Variants in MTUS2 observed in about 807,000 individuals in gnomAD.
The protein encoded by MTUS2 is microtubule associated scaffold protein 2.
Under a neutral mutation model 114.1 loss-of-function variants are expected in MTUS2, and 40 were observed. The ratio of observed to expected loss-of-function variants is 0.35; its 90% CI spans 0.27 to 0.46. The LOEUF (loss-of-function observed/expected upper bound fraction) is 0.46, where lower values mean the gene tolerates loss of function less well. MTUS2 is among the 20% of genes least tolerant of loss of function. The pLI is 1.00. For missense variants in MTUS2, 1,679 were observed against 1,705.4 expected (o/e 0.98, Z 0.27); for synonymous variants, 688 against 672.0 (o/e 1.02, Z -0.37).
intron 2 of MTUS2, among the ~76,000 whole-genome samples, chr13:28,890,144 A>G (rs755642686): frequency 6.6e-6 from 1 of 152,172 alleles, no homozygotes; most frequent in Non-Finnish European, 1.5e-5. Context: ...GAACTGCATG[A>G]GTTATTAGAG....
At chr13:29,303,590 A>G (rs1490141700) in intron 6 of MTUS2, among the ~76,000 whole-genome samples, 2 of 152,212 alleles carry the variant, frequency 1.3e-5, no homozygotes, top group African/African-American at 4.8e-5. Context: ...AATAGAGAAA[A>G]AAGAATGAAA....
intron 4 of MTUS2, among the ~76,000 whole-genome samples, chr13:29,081,196 C>T (rs184253440): frequency 6.6e-6 from 1 of 152,166 alleles, no homozygotes; most frequent in East Asian, 1.9e-4. Context: ...TAAACAGGAA[C>T]TTGCCTGGTT....
intron 5 of MTUS2, among the ~76,000 whole-genome samples, chr13:29,105,530 C>T (rs1330634572): frequency 2.0e-5 from 3 of 152,134 alleles, no homozygotes; most frequent in Admixed American, 6.5e-5. Flanking sequence ...CCAGTTTCTC[C>T]TCTTCTTCCT....
At chr13:28,916,719 A>G (rs1044633034) in intron 2 of MTUS2, among the ~76,000 whole-genome samples, 2 of 151,828 alleles carry the variant, frequency 1.3e-5, no homozygotes, top group African/African-American at 4.8e-5. Flanking sequence ...ACAAACAAAA[A>G]TAATTTGACT....
At chr13:29,106,826 C>T (rs528987380) in intron 5 of MTUS2, among the ~76,000 whole-genome samples, 1 of 152,158 alleles carries the variant, frequency 6.6e-6, no homozygotes, top group East Asian at 1.9e-4. Context: ...CCTTTGACCC[C>T]GTTTCAATTG....
At chr13:29,219,782 C>A (rs912948271) in intron 5 of MTUS2, among the ~76,000 whole-genome samples, 2 of 152,182 alleles carry the variant, frequency 1.3e-5, no homozygotes, top group African/African-American at 4.8e-5. Context: ...TGTGGAGGAA[C>A]CCACCTCTGC....
chr13:29,389,416 T>TATATATGTATATGTATAC (rs1460797625), intron 8 of MTUS2, among the ~76,000 whole-genome samples: 1 of 74,972 alleles, frequency 1.3e-5, no homozygotes, highest in African/African-American at 5.9e-5. Flanking sequence ...TACACGTGTG[T>TATATATGTATATGTATAC]GTGTATGTAT....
chr13:29,194,887 C>G (rs972582006), intron 5 of MTUS2, among the ~76,000 whole-genome samples: 2 of 148,638 alleles, frequency 1.3e-5, no homozygotes, highest in Non-Finnish European at 3.0e-5. Flanking sequence ...AAATGTGGCA[C>G]ATATACACCA....
At chr13:29,379,157 A>G (rs1431665817) in intron 8 of MTUS2, among the ~76,000 whole-genome samples, 1 of 152,146 alleles carries the variant, frequency 6.6e-6, no homozygotes, top group East Asian at 1.9e-4. Context: ...TTCCTTTATA[A>G]ATTACCCAGT....
At chr13:29,027,577 A>G (rs1886616418) in intron 3 of MTUS2, among the ~76,000 whole-genome samples, 1 of 152,034 alleles carries the variant, frequency 6.6e-6, no homozygotes. Flanking sequence ...TTTGAGATGA[A>G]GTCTCGCTCT....
chr13:29,327,355 C>A (rs1400565150), intron 7 of MTUS2, among the ~76,000 whole-genome samples: 2 of 152,168 alleles, frequency 1.3e-5, no homozygotes, highest in African/African-American at 4.8e-5. Context: ...GTCCACCAAC[C>A]TTCCAAGTTT....
At chr13:29,006,160 G>A (rs1481329292) in intron 2 of MTUS2, among the ~76,000 whole-genome samples, 1 of 152,202 alleles carries the variant, frequency 6.6e-6, no homozygotes, top group Non-Finnish European at 1.5e-5. Context: ...GTAAGCTGGG[G>A]TTGAGAGTGG....
chr13:28,986,647 T>A (rs529287059), intron 2 of MTUS2, among the ~76,000 whole-genome samples: 1 of 152,222 alleles, frequency 6.6e-6, no homozygotes, highest in Non-Finnish European at 1.5e-5. Flanking sequence ...TCCTGTAGAG[T>A]CCAAGTCTTA....
intron 3 of MTUS2, 24 bp from the exon 4 acceptor site, chr13:29,033,861 T>G (rs1415087083): frequency 6.2e-7 from 1 of 1,613,102 alleles, no homozygotes; most frequent in East Asian, 2.2e-5. Flanking sequence ...GGTCTCTGAT[T>G]GAGTTTTTGT....
At chr13:28,862,081 C>G (rs1305746745) in intron 2 of MTUS2, among the ~76,000 whole-genome samples, 1 of 152,142 alleles carries the variant, frequency 6.6e-6, no homozygotes, top group African/African-American at 2.4e-5. Context: ...GTGTATACCC[C>G]TTGTCTATAG....
intron 5 of MTUS2, among the ~76,000 whole-genome samples, chr13:29,113,727 A>G (rs1471666316): frequency 6.6e-6 from 1 of 152,128 alleles, no homozygotes; most frequent in African/African-American, 2.4e-5. Flanking sequence ...AAGATTCACA[A>G]TGGCAGTTAT....
intron 1 of MTUS2, among the ~76,000 whole-genome samples, chr13:28,839,483 T>C (rs190968749): frequency 6.6e-6 from 1 of 152,334 alleles, no homozygotes; most frequent in Admixed American, 6.5e-5. Context: ...TTTCAGATCA[T>C]TAACTACTTG....
chr13:29,268,921 A>T (rs1455589609), intron 5 of MTUS2, among the ~76,000 whole-genome samples: 2 of 151,998 alleles, frequency 1.3e-5, no homozygotes, highest in Non-Finnish European at 2.9e-5. Context: ...TTGTAGAGAC[A>T]GGGTCTCCCT....
intron 10 of MTUS2, among the ~76,000 whole-genome samples, chr13:29,483,164 T>C (rs1287831711): frequency 2.0e-5 from 3 of 152,192 alleles, no homozygotes; most frequent in Admixed American, 6.5e-5. Context: ...TCTGGAACCT[T>C]AAAAATCAGG....
Sources: allele counts gnomAD v4.1 joint callset (sites outside exome capture counted in the v4.1 genomes callset), GRCh38; gene constraint gnomAD v4.1.1; transcripts MANE v1.5; gene names NCBI Gene and HGNC (gene_info 2026-07-23, HGNC 2026-07-21).